The following SYT1 variants were observed in gnomAD, a reference collection of about 807,000 sequenced individuals.
SYT1 encodes the protein synaptotagmin-1.
In SYT1, 8 loss-of-function variants were observed where a neutral mutation model predicts 44.8. The ratio of observed to expected loss-of-function variants is 0.18; its 90% CI spans 0.10 to 0.32. The LOEUF (loss-of-function observed/expected upper bound fraction) is 0.32. Among genes scored for constraint, SYT1 ranks in the 10% least tolerant of loss-of-function variants. SYT1 has a pLI of 1.00. For missense variants in SYT1, 286 were observed against 509.3 expected (o/e 0.56, Z 4.22); for synonymous variants, 154 against 188.8 (o/e 0.82, Z 1.51).
intron 9 of SYT1, among the ~76,000 whole-genome samples, chr12:79,359,879 GA>G (rs1447122759): frequency 6.6e-6 from 1 of 152,086 alleles, no homozygotes; most frequent in Non-Finnish European, 1.5e-5. Context: ...ATTCCAAGGA[GA>G]AACCATGAAC....
chr12:79,126,265 T>A (rs1328584802), intron 3 of SYT1, among the ~76,000 whole-genome samples: 1 of 152,098 alleles, frequency 6.6e-6, no homozygotes, highest in Admixed American at 6.5e-5. Flanking sequence ...TTTTGTTTTG[T>A]TTTTGTTTTT....
chr12:79,310,215 A>C lies in SYT1; in HGVS notation c.810+10664A>C, dbSNP rs538113065. On this transcript the variant is annotated intron_variant, in intron 8 of 10. Coordinates refer to ENST00000261205, the MANE Select transcript of SYT1 (RefSeq NM_005639.3). ...TGTATAAGGTGTAAGGAAGGGATCC[A>C]GTTTCAGCTTTCTACATATGGCTAG... 8.1e-3 allele frequency among the ~76,000 whole-genome samples: 1,223 copies of C among 151,564 alleles called. 16 individuals carry two copies. The highest frequency in any genetic ancestry group is 0.028 in the African/African-American group (1,151 of 40,880).
intron 8 of SYT1, among the ~76,000 whole-genome samples, chr12:79,312,592 C>T (rs1280303262): frequency 2.0e-5 from 3 of 152,122 alleles, no homozygotes; most frequent in Non-Finnish European, 4.4e-5. Flanking sequence ...CACTAGAATA[C>T]ATGACAAGCC....
intron 4 of SYT1, among the ~76,000 whole-genome samples, chr12:79,278,783 G>T (rs1345279075): frequency 6.6e-6 from 1 of 151,888 alleles, no homozygotes; most frequent in East Asian, 1.9e-4. Flanking sequence ...AAAGAAGAAA[G>T]AGAATTTAAA....
At chr12:78,955,157 CAG>C (rs1482368705) in intron 1 of SYT1, among the ~76,000 whole-genome samples, 31 of 152,190 alleles carry the variant, frequency 2.0e-4, no homozygotes, top group Admixed American at 7.9e-4. Flanking sequence ...GACGGTTAAA[CAG>C]AGTTTCTAAT....
At chr12:79,317,427 T>C (rs886074466) in intron 8 of SYT1, among the ~76,000 whole-genome samples, 1 of 152,214 alleles carries the variant, frequency 6.6e-6, no homozygotes, top group Admixed American at 6.5e-5. Flanking sequence ...TGCAATTATT[T>C]TCCCCCTGGG....
At chr12:79,264,956 T>G in intron 4 of SYT1, among the ~76,000 whole-genome samples, 1 of 152,216 alleles carries the variant, frequency 6.6e-6, no homozygotes, top group Non-Finnish European at 1.5e-5. Context: ...CCTTCTGATA[T>G]ATCATTAAGT....
chr12:79,050,876 C>T (rs930029329), intron 3 of SYT1, among the ~76,000 whole-genome samples: 7 of 151,920 alleles, frequency 4.6e-5, no homozygotes, highest in Admixed American at 3.3e-4. Context: ...AATAAAAAAG[C>T]ATAAGCCTGT....
chr12:79,137,442 C>T (rs536804939), intron 3 of SYT1, among the ~76,000 whole-genome samples: 101 of 152,166 alleles, frequency 6.6e-4, no homozygotes, highest in African/African-American at 2.4e-3. Flanking sequence ...CTCATTAATA[C>T]TCACAACCAT....
At chr12:79,443,655 G>A (rs1870552080) in intron 9 of SYT1, among the ~76,000 whole-genome samples, 1 of 152,194 alleles carries the variant, frequency 6.6e-6, no homozygotes, top group Non-Finnish European at 1.5e-5. Context: ...TTCCCATACA[G>A]TGTTGTGCTG....
At chr12:79,028,002 A>G (rs1213749920) in intron 2 of SYT1, among the ~76,000 whole-genome samples, 3 of 151,516 alleles carry the variant, frequency 2.0e-5, no homozygotes, top group Non-Finnish European at 4.4e-5. Flanking sequence ...ACTGATAAAG[A>G]TCTCCACATT....
chr12:78,946,436 C>T (rs930566445), intron 1 of SYT1, among the ~76,000 whole-genome samples: 2 of 152,126 alleles, frequency 1.3e-5, no homozygotes, highest in East Asian at 1.9e-4. Context: ...GGGTGGATCA[C>T]TTGAGGTCAG....
At chr12:79,011,408 G>C (rs1871399890) in intron 2 of SYT1, among the ~76,000 whole-genome samples, 1 of 152,032 alleles carries the variant, frequency 6.6e-6, no homozygotes. Context: ...CAAATTTATA[G>C]TAGGGCATTC....
intron 9 of SYT1, chr12:79,419,341 T>C (rs1361530207): frequency 2.0e-6 from 1 of 490,450 alleles, no homozygotes; most frequent in Non-Finnish European, 4.3e-6. Context: ...TAATCTACCT[T>C]GCTTTTCTTC....
chr12:78,983,489 C>T (rs1355929328), intron 2 of SYT1, among the ~76,000 whole-genome samples: 1 of 152,060 alleles, frequency 6.6e-6, no homozygotes, highest in Admixed American at 6.6e-5. Flanking sequence ...CTGTCAAGAA[C>T]TTATTCCAAT....
chr12:79,386,359 CTTTTTT>C (rs1462057556), intron 9 of SYT1, among the ~76,000 whole-genome samples: 1 of 136,418 alleles, frequency 7.3e-6, no homozygotes, highest in Non-Finnish European at 1.6e-5. Flanking sequence ...TTTTCTTTTT[CTTTTTT>C]TTATACTTTA....
intron 2 of SYT1, among the ~76,000 whole-genome samples, chr12:79,001,080 T>C (rs1250675630): frequency 1.3e-5 from 2 of 152,180 alleles, no homozygotes; most frequent in Non-Finnish European, 2.9e-5. Context: ...TTAATTCATA[T>C]ACTATTCTAG....
Position 79,449,180 on chromosome 12 carries a change from G to C in SYT1, c.*56G>C. The stretch of plus-strand genomic sequence containing the variant: ...ATATAGTGCTCTTTAGCCAGTATCT[G>C]TAAATACCTCAGTAATATGGGTCCT... On this transcript the variant is annotated 3_prime_UTR_variant, in exon 11 of 11. Transcript: ENST00000261205. 1 of 1,518,748 alleles carries C rather than the reference G, an allele frequency of 6.6e-7. No individual in the cohort carries two copies. The highest frequency in any genetic ancestry group is 8.9e-7 in the Non-Finnish European group (1 of 1,118,162). The allele number at this position is 1,518,748 out of a possible 1,614,324, so 94.1% of individuals were successfully genotyped here.
chr12:79,067,244 C>T (rs1172740927), intron 3 of SYT1, among the ~76,000 whole-genome samples: 3 of 152,062 alleles, frequency 2.0e-5, no homozygotes, highest in Non-Finnish European at 2.9e-5. Flanking sequence ...AATCATATAG[C>T]TCATACCTAT....
Sources: gnomAD v4.1 joint callset for allele counts (sites outside exome capture counted in the v4.1 genomes callset) on GRCh38, gnomAD v4.1.1 for gene constraint, MANE v1.5 for transcripts, NCBI Gene and HGNC (gene_info 2026-07-23, HGNC 2026-07-21) for gene names.